Variants in SLC4A10 observed in about 807,000 individuals in gnomAD.
The protein encoded by SLC4A10 is sodium-driven chloride bicarbonate exchanger.
A neutral mutation model predicts 137.7 loss-of-function variants in SLC4A10; 42 were observed. That is an observed-to-expected ratio of 0.30 (90% CI 0.24 to 0.39). The LOEUF is 0.39. Ranked by LOEUF, SLC4A10 falls within the 10% of genes least tolerant of loss-of-function variation. The pLI is 1.00. For synonymous variants in SLC4A10, 474 were observed against 464.1 expected, an observed-to-expected ratio of 1.02 and a Z score of -0.27; for missense variants, 925 against 1,355.0, an observed-to-expected ratio of 0.68 and a Z score of 4.98.
At chr2:161,903,798 G>A (rs1045154929) in intron 12 of SLC4A10, among the ~76,000 whole-genome samples, 1 of 152,124 alleles carries the variant, frequency 6.6e-6, no homozygotes, top group Admixed American at 6.5e-5. Flanking sequence ...TGGTTGACAC[G>A]ATATTGGGTT....
At chr2:161,710,732 A>G (rs1574493943) in intron 1 of SLC4A10, 1 of 455,316 alleles carries the variant, frequency 2.2e-6, no homozygotes, top group East Asian at 7.0e-5. Flanking sequence ...ATTTCATTAT[A>G]CATCATAAAG....
chr2:161,944,745 A>G (rs1693415817), intron 16 of SLC4A10, among the ~76,000 whole-genome samples: 1 of 151,762 alleles, frequency 6.6e-6, no homozygotes, highest in South Asian at 2.1e-4. Flanking sequence ...CAGAGGGAAT[A>G]CTATATAATG....
intron 2 of SLC4A10, among the ~76,000 whole-genome samples, chr2:161,775,685 C>T (rs2052235921): frequency 6.6e-6 from 1 of 151,798 alleles, no homozygotes; most frequent in African/African-American, 2.4e-5. Context: ...AACCCAGTGC[C>T]CCTTCAGTTA....
intron 1 of SLC4A10, among the ~76,000 whole-genome samples, chr2:161,678,335 T>A (rs1670080735): frequency 6.6e-6 from 1 of 152,194 alleles, no homozygotes; most frequent in African/African-American, 2.4e-5. Context: ...TTTTTGCTAT[T>A]TATAGAGAGG....
intron 1 of SLC4A10, among the ~76,000 whole-genome samples, chr2:161,707,287 T>C (rs953091653): frequency 6.6e-6 from 1 of 151,456 alleles, no homozygotes; most frequent in Non-Finnish European, 1.5e-5. Context: ...TTAAGACTCA[T>C]TGTGACTAGT....
chr2:161,842,476 C>T (rs1012858710), intron 4 of SLC4A10, among the ~76,000 whole-genome samples: 7 of 151,634 alleles, frequency 4.6e-5, no homozygotes, highest in East Asian at 3.9e-4. Flanking sequence ...TTCATGTGAA[C>T]GAACTATTCA....
intron 5 of SLC4A10, among the ~76,000 whole-genome samples, chr2:161,858,709 C>T (rs956322524): frequency 6.6e-6 from 1 of 152,134 alleles, no homozygotes; most frequent in African/African-American, 2.4e-5. Flanking sequence ...AATATCCTCT[C>T]TGCAGTGTGT....
intron 15 of SLC4A10, among the ~76,000 whole-genome samples, chr2:161,912,967 T>C (rs554946972): frequency 1.3e-5 from 2 of 152,260 alleles, no homozygotes; most frequent in East Asian, 3.9e-4. Flanking sequence ...ACCAGAATCC[T>C]GCTTATGGAA....
chr2:161,661,878 G>A (rs773571584), intron 1 of SLC4A10, among the ~76,000 whole-genome samples: 2 of 152,060 alleles, frequency 1.3e-5, no homozygotes, highest in Non-Finnish European at 2.9e-5. Flanking sequence ...AGTACATTAG[G>A]CTACCTTACT....
chr2:161,700,484 T>G (rs1285740361), intron 1 of SLC4A10, among the ~76,000 whole-genome samples: 1 of 152,122 alleles, frequency 6.6e-6, no homozygotes, highest in African/African-American at 2.4e-5. Flanking sequence ...TCTCCTACAT[T>G]TAGCTTATCG....
intron 15 of SLC4A10, among the ~76,000 whole-genome samples, chr2:161,927,205 G>A (rs975375390): frequency 3.3e-5 from 5 of 152,308 alleles, no homozygotes; most frequent in East Asian, 1.9e-4. Context: ...CCAATCGGAC[G>A]TAGATTTGTT....
Position 161,926,025 on chromosome 2 carries a change from T to G in SLC4A10, c.1998-16767T>G, listed in dbSNP as rs556158039. ...GTGTGGTGCTGAAAAAAATGTATAT[T>G]CTGTTGATTTGGGGTGGAGAGTTCT... On this transcript the variant is annotated intron_variant, in intron 15 of 26. Coordinates refer to ENST00000446997, the MANE Select transcript of SLC4A10 (RefSeq NM_001178015.2). Among the ~76,000 whole-genome samples the G allele has an allele frequency of 2.4e-4, 36 of 152,126 alleles. No individual in the cohort carries two copies. The South Asian group carries it at 4.4e-3, about 18-fold the overall frequency.
intron 21 of SLC4A10, among the ~76,000 whole-genome samples, chr2:161,960,834 C>T (rs1393792714): frequency 6.6e-6 from 1 of 152,128 alleles, no homozygotes; most frequent in East Asian, 1.9e-4. Context: ...TCCCCTAAGA[C>T]CTTCAAAGGG....
intron 6 of SLC4A10, among the ~76,000 whole-genome samples, chr2:161,870,194 A>G (rs1269656512): frequency 1.3e-5 from 2 of 151,406 alleles, no homozygotes; most frequent in Non-Finnish European, 3.0e-5. Flanking sequence ...ACAAGGAGAA[A>G]TACAAGTATT....
At chr2:161,812,142 G>A (rs931867657) in intron 3 of SLC4A10, among the ~76,000 whole-genome samples, 7 of 151,920 alleles carry the variant, frequency 4.6e-5, no homozygotes, top group Admixed American at 4.6e-4. Flanking sequence ...AATCCTGAAT[G>A]TTTATAGACA....
chr2:161,954,514 T>G (rs1695318189), intron 19 of SLC4A10, among the ~76,000 whole-genome samples: 1 of 152,220 alleles, frequency 6.6e-6, no homozygotes, highest in Non-Finnish European at 1.5e-5. Context: ...TGTAGAGTTC[T>G]CTGTCTGACA....
rs1156784478 is a variant in SLC4A10 at position 161,774,037 on chromosome 2, T to C, written c.130+2983T>C. Among the ~76,000 whole-genome samples, 4 of 151,826 alleles carry C rather than the reference T, an allele frequency of 2.6e-5. No homozygotes were observed. In the South Asian group the frequency reaches 8.3e-4, roughly 31 times the overall value. ...GTACTGTGGACTGAGTCTTTCCCAT[T>C]ATACAGCCTCCTTAATACTGCCAGA... On this transcript the variant is annotated intron_variant, in intron 2 of 26. Transcript: ENST00000446997.
intron 2 of SLC4A10, among the ~76,000 whole-genome samples, chr2:161,799,537 T>A (rs1034824619): frequency 2.0e-5 from 3 of 151,904 alleles, no homozygotes; most frequent in Non-Finnish European, 4.4e-5. Flanking sequence ...AGGAAGAAAA[T>A]GAAATGGGAC....
chr2:161,639,001 A>G (rs1401242740), intron 1 of SLC4A10, among the ~76,000 whole-genome samples: 1 of 152,056 alleles, frequency 6.6e-6, no homozygotes, highest in Non-Finnish European at 1.5e-5. Context: ...ATTATCAACA[A>G]CTATACAACA....
Sources: allele counts gnomAD v4.1 joint callset (sites outside exome capture counted in the v4.1 genomes callset), GRCh38; gene constraint gnomAD v4.1.1; transcripts MANE v1.5; gene names NCBI Gene and HGNC (gene_info 2026-07-23, HGNC 2026-07-21).